The following FBXW7 variants were observed in gnomAD, a reference collection of about 807,000 sequenced individuals.
FBXW7 encodes the protein F-box and WD repeat domain containing 7.
In FBXW7, 11 loss-of-function variants were observed where a neutral mutation model predicts 86.3. That is an observed-to-expected ratio of 0.13 (90% CI 0.08 to 0.21). FBXW7 has a LOEUF of 0.21. FBXW7 is among the 10% of genes least tolerant of loss of function. The pLI is 1.00. For synonymous variants in FBXW7, 313 were observed against 297.9 expected (o/e 1.05, Z -0.52); for missense variants, 488 against 847.4 (o/e 0.58, Z 5.27).
chr4:152,408,699 C>T (rs1560860472), intron 4 of FBXW7, among the ~76,000 whole-genome samples: 1 of 152,134 alleles, frequency 6.6e-6, no homozygotes, highest in Non-Finnish European at 1.5e-5. Flanking sequence ...TGTTGGAAAT[C>T]TTGTTCAGTG....
chr4:152,439,549 T>C (rs1167559110), intron 2 of FBXW7, among the ~76,000 whole-genome samples: 2 of 152,096 alleles, frequency 1.3e-5, no homozygotes, highest in East Asian at 1.9e-4. Flanking sequence ...TACTGTTATA[T>C]AACAAAAGTA....
chr4:152,400,823 A>G (rs1736859953), intron 4 of FBXW7, among the ~76,000 whole-genome samples: 1 of 152,224 alleles, frequency 6.6e-6, no homozygotes, highest in African/African-American at 2.4e-5. Context: ...ACATGGGATA[A>G]ACGATTGTTA....
intron 2 of FBXW7, among the ~76,000 whole-genome samples, chr4:152,493,467 G>C (rs1334380666): frequency 6.6e-6 from 1 of 152,136 alleles, no homozygotes; most frequent in Non-Finnish European, 1.5e-5. Context: ...GTCCAGCCAA[G>C]GATAGTTTTT....
At chr4:152,413,580 T>C (rs1421136621) in intron 2 of FBXW7, among the ~76,000 whole-genome samples, 1 of 152,112 alleles carries the variant, frequency 6.6e-6, no homozygotes, top group East Asian at 1.9e-4. Flanking sequence ...TCATGCACCT[T>C]AAAGTAACTA....
intron 4 of FBXW7, among the ~76,000 whole-genome samples, chr4:152,409,595 AG>A (rs1737740547): frequency 6.6e-6 from 1 of 152,164 alleles, no homozygotes; most frequent in Non-Finnish European, 1.5e-5. Context: ...TCTTACTTGT[AG>A]AAGGGTATCA....
intron 2 of FBXW7, among the ~76,000 whole-genome samples, chr4:152,443,375 C>T (rs531632154): frequency 7.9e-5 from 12 of 152,018 alleles, no homozygotes; most frequent in South Asian, 4.1e-4. Context: ...TAAAATTAAA[C>T]GATTAAAGTG....
intron 4 of FBXW7, among the ~76,000 whole-genome samples, chr4:152,359,919 A>C (rs1393395016): frequency 6.6e-6 from 1 of 152,180 alleles, no homozygotes; most frequent in Non-Finnish European, 1.5e-5. Context: ...TCTGTGTTTA[A>C]AAAACAGAAG....
chr4:152,352,946 G>A (rs1731993802), intron 4 of FBXW7: 15 of 1,400,460 alleles, frequency 1.1e-5, no homozygotes, highest in Non-Finnish European at 1.4e-5. Flanking sequence ...ATCCGCTCCA[G>A]GGAACCCGTA....
In FBXW7 at chr4:152,343,488, C is replaced by T. The variant is rs1199764733; in HGVS notation, c.726+3442G>A. Among the ~76,000 whole-genome samples the T allele has an allele frequency of 4.6e-5, 7 of 151,822 alleles. No homozygotes were observed. The South Asian group carries it at 6.2e-4, about 14-fold the overall frequency. On this transcript the variant is annotated intron_variant, in intron 6 of 13. Coordinates refer to ENST00000281708, the MANE Select transcript of FBXW7 (RefSeq NM_001349798.2). ...TTTTAATGTTATGTGTTTTATAGAG[C>T]GTGAAAATAAAGGCAAGAATGGTTA...
At chr4:152,461,959 T>C (rs1223674039) in intron 2 of FBXW7, among the ~76,000 whole-genome samples, 1 of 147,528 alleles carries the variant, frequency 6.8e-6, no homozygotes, top group South Asian at 2.1e-4. Flanking sequence ...GAGAAAAAAA[T>C]GTTCTGTTAT....
chr4:152,402,357 AAGAG>A (rs1026808875), intron 4 of FBXW7, among the ~76,000 whole-genome samples: 9 of 152,200 alleles, frequency 5.9e-5, no homozygotes, highest in Non-Finnish European at 8.8e-5. Flanking sequence ...CAAAGGGCTT[AAGAG>A]AGAGGGAGAA....
At chr4:152,384,813 T>G (rs139398308) in intron 4 of FBXW7, among the ~76,000 whole-genome samples, 1 of 152,008 alleles carries the variant, frequency 6.6e-6, no homozygotes, top group East Asian at 1.9e-4. Context: ...ATGAGAGTGT[T>G]GGAAACCTAT....
chr4:152,534,759 CA>C (rs979129202), intron 2 of FBXW7, among the ~76,000 whole-genome samples, 181 bp downstream of exon 2: 2 of 152,162 alleles, frequency 1.3e-5, no homozygotes, highest in Non-Finnish European at 1.5e-5. Flanking sequence ...ATTACTCGTA[CA>C]AAGAGCTAAA....
At chr4:152,465,825 C>CA (rs1158457116) in intron 2 of FBXW7, among the ~76,000 whole-genome samples, 5 of 139,382 alleles carry the variant, frequency 3.6e-5, no homozygotes, top group Admixed American at 7.7e-5. Flanking sequence ...GCCTGGGCGA[C>CA]AGAGTGAGAC....
chr4:152,352,509 A>G lies in FBXW7; in HGVS notation c.502-2385T>C, dbSNP rs1289955593. 4 of 1,613,522 alleles carry G rather than the reference A, an allele frequency of 2.5e-6. No homozygotes were observed. In the South Asian group the frequency reaches 3.3e-5, roughly 13 times the overall value. Reference sequence around the variant, plus strand: ...TTTTTAATGTGCCGTAGAAACCCATATTTTCTGTATTTTTCCCCTTCAGTG... The same window carrying G: ...TTTTTAATGTGCCGTAGAAACCCATGTTTTCTGTATTTTTCCCCTTCAGTG... On this transcript the variant is annotated intron_variant, in intron 4 of 13. Transcript: ENST00000281708.
In FBXW7 at chr4:152,323,162, CAA is replaced by C. The variant is rs1339003991; in HGVS notation, c.1856-15_1856-14del. The C allele has an allele frequency of 1.2e-6, 2 of 1,608,026 alleles. No homozygotes were observed. The highest frequency in any genetic ancestry group is 2.7e-5 in the African/African-American group (2 of 74,604). On this transcript the variant is annotated splice_polypyrimidine_tract_variant and intron_variant, in intron 13 of 13. Coordinates refer to ENST00000281708, the MANE Select transcript of FBXW7 (RefSeq NM_001349798.2). ...TGCTTGTTGGGACCTAGACAAAAAC[CAA>C]AAGAATTTAATTACTGGTTAGAAAT...
intron 2 of FBXW7, among the ~76,000 whole-genome samples, chr4:152,441,107 T>G (rs772039922): frequency 6.6e-6 from 1 of 152,160 alleles, no homozygotes; most frequent in Non-Finnish European, 1.5e-5. Flanking sequence ...CTACATAGAA[T>G]GTATATTCAG....
rs949236291 is a variant in FBXW7, at chr4:152,423,405, T to C, written c.-119-10876A>G. 5.3e-5 allele frequency among the ~76,000 whole-genome samples: 8 copies of C among 152,322 alleles called. 1 individual carries two copies. The highest frequency in any genetic ancestry group is 4.6e-4 in the Admixed American group (7 of 15,304). ...AGATAATATTTGACAGTAAAAACTTTGTAAATTTTTATTGATAATTTTAAA... is the reference window on the plus strand; with the variant it reads ...AGATAATATTTGACAGTAAAAACTTCGTAAATTTTTATTGATAATTTTAAA... On this transcript the variant is annotated intron_variant, in intron 2 of 13. Transcript: ENST00000281708.
At chr4:152,523,171 T>C (rs1749176481) in intron 2 of FBXW7, among the ~76,000 whole-genome samples, 1 of 152,192 alleles carries the variant, frequency 6.6e-6, no homozygotes, top group South Asian at 2.1e-4. Context: ...CCAGGACCCC[T>C]TTCACACATT....
Sources: gnomAD v4.1 joint callset for allele counts (sites outside exome capture counted in the v4.1 genomes callset) on GRCh38, gnomAD v4.1.1 for gene constraint, MANE v1.5 for transcripts, NCBI Gene and HGNC (gene_info 2026-07-23, HGNC 2026-07-21) for gene names.